Variants in SGCZ observed in about 807,000 individuals in gnomAD.
SGCZ encodes the protein zeta-sarcoglycan.
Under a neutral mutation model 41.3 loss-of-function variants are expected in SGCZ, and 40 were observed. The ratio of observed to expected loss-of-function variants is 0.97; its 90% CI spans 0.75 to 1.26. The LOEUF is 1.26. Ranked by LOEUF, SGCZ falls within the 50% of genes most tolerant of loss-of-function variation. The pLI is 0.00. For synonymous variants in SGCZ, 206 were observed against 137.5 expected (o/e 1.50, Z -3.49); for missense variants, 552 against 369.8 (o/e 1.49, Z -4.04).
At chr8:14,100,369 T>C (rs572781849) in intron 7 of SGCZ, among the ~76,000 whole-genome samples, 5 of 151,124 alleles carry the variant, frequency 3.3e-5, no homozygotes, top group Non-Finnish European at 5.9e-5. Context: ...TCAATATTTA[T>C]TATGAGCAAT....
At chr8:14,383,043 AC>A (rs1186997042) in intron 2 of SGCZ, among the ~76,000 whole-genome samples, 3 of 152,156 alleles carry the variant, frequency 2.0e-5, no homozygotes, top group African/African-American at 7.2e-5. Context: ...CAATAGAGAT[AC>A]AGCTCATGTT....
intron 2 of SGCZ, among the ~76,000 whole-genome samples, chr8:14,325,743 C>CATAT (rs1802076922): frequency 1.5e-5 from 1 of 66,882 alleles, no homozygotes; most frequent in African/African-American, 7.1e-5. Context: ...CACACACACA[C>CATAT]ACACATATAT....
At chr8:14,091,695 GT>G (rs1256778481) in intron 7 of SGCZ, among the ~76,000 whole-genome samples, 7 of 150,714 alleles carry the variant, frequency 4.6e-5, no homozygotes, top group Non-Finnish European at 8.8e-5. Flanking sequence ...CTGTAAATTT[GT>G]TTGTTTAAGT....
intron 1 of SGCZ, among the ~76,000 whole-genome samples, chr8:14,788,669 T>C (rs184072716): frequency 2.9e-4 from 44 of 152,328 alleles, no homozygotes; most frequent in African/African-American, 8.7e-4. Flanking sequence ...AATAAATACA[T>C]CCACTCTTTT....
intron 3 of SGCZ, among the ~76,000 whole-genome samples, chr8:14,266,766 G>T (rs1270429076): frequency 6.6e-6 from 1 of 152,072 alleles, no homozygotes; most frequent in Admixed American, 6.5e-5. Flanking sequence ...AATCCACAAT[G>T]CCTAAGTAGA....
intron 3 of SGCZ, among the ~76,000 whole-genome samples, chr8:14,252,793 G>A (rs760177975): frequency 6.6e-6 from 1 of 152,184 alleles, no homozygotes; most frequent in Non-Finnish European, 1.5e-5. Context: ...CTTTCAGGCA[G>A]TGCCAGTTGT....
chr8:14,658,905 A>C (rs974917891), intron 1 of SGCZ, among the ~76,000 whole-genome samples: 2 of 152,116 alleles, frequency 1.3e-5, no homozygotes, highest in East Asian at 3.9e-4. Flanking sequence ...AAAAATGAGG[A>C]AAGGAAGGAG....
At chr8:14,426,584 T>C (rs1288537805) in intron 2 of SGCZ, among the ~76,000 whole-genome samples, 1 of 152,102 alleles carries the variant, frequency 6.6e-6, no homozygotes, top group Non-Finnish European at 1.5e-5. Context: ...GGAGAAGTTT[T>C]GTTTGTTATT....
At chr8:14,912,968 T>C (rs1051368433) in intron 1 of SGCZ, among the ~76,000 whole-genome samples, 3 of 152,052 alleles carry the variant, frequency 2.0e-5, no homozygotes, top group Non-Finnish European at 4.4e-5. Context: ...ATCATTCTTG[T>C]TTGGTTTTAG....
intron 1 of SGCZ, among the ~76,000 whole-genome samples, chr8:14,795,942 T>C (rs1801113280): frequency 6.6e-6 from 1 of 152,192 alleles, no homozygotes; most frequent in Non-Finnish European, 1.5e-5. Context: ...TTTCTGTTCC[T>C]GTGTTAGTTT....
intron 2 of SGCZ, among the ~76,000 whole-genome samples, chr8:14,394,887 T>C (rs982051605): frequency 6.6e-6 from 1 of 152,160 alleles, no homozygotes; most frequent in African/African-American, 2.4e-5. Context: ...GCATGGGTGA[T>C]ATTGTGCAGA....
chr8:14,908,871 G>A (rs920487181), intron 1 of SGCZ, among the ~76,000 whole-genome samples: 1 of 151,744 alleles, frequency 6.6e-6, no homozygotes, highest in African/African-American at 2.4e-5. Context: ...ATTTATATGC[G>A]ACGAATAGTT....
At chr8:14,653,119 A>G (rs1211152764) in intron 1 of SGCZ, among the ~76,000 whole-genome samples, 1 of 152,052 alleles carries the variant, frequency 6.6e-6, no homozygotes, top group Non-Finnish European at 1.5e-5. Flanking sequence ...TACTCTCTCA[A>G]TCCATGAGGT....
At chr8:14,712,383 C>T (rs1424694910) in intron 1 of SGCZ, among the ~76,000 whole-genome samples, 1 of 152,150 alleles carries the variant, frequency 6.6e-6, no homozygotes, top group Non-Finnish European at 1.5e-5. Flanking sequence ...TCATGGAAAC[C>T]ATTTTTACAG....
chr8:14,970,093 T>C (rs1312787903), intron 1 of SGCZ, among the ~76,000 whole-genome samples: 1 of 152,134 alleles, frequency 6.6e-6, no homozygotes, highest in Non-Finnish European at 1.5e-5. Context: ...CATAAGTGTG[T>C]AGTGATATGT....
chr8:14,239,248 AACAC>A (rs36209114), intron 3 of SGCZ, among the ~76,000 whole-genome samples: 125 of 149,364 alleles, frequency 8.4e-4, no homozygotes, highest in Middle Eastern at 3.5e-3. Flanking sequence ...TTCATACATG[AACAC>A]ACACACACAC....
intron 1 of SGCZ, among the ~76,000 whole-genome samples, chr8:15,066,330 A>C (rs1805146856): frequency 6.6e-6 from 1 of 151,692 alleles, no homozygotes; most frequent in South Asian, 2.1e-4. Flanking sequence ...AAAAAAAAAA[A>C]AAAAGAAGTC....
At chr8:15,174,019 T>C (rs1235594799) in intron 1 of SGCZ, among the ~76,000 whole-genome samples, 2 of 152,162 alleles carry the variant, frequency 1.3e-5, no homozygotes, top group East Asian at 3.8e-4. Flanking sequence ...ACTGCACCCG[T>C]TATACTTTAT....
chr8:14,251,308 G>A (rs762179828), intron 3 of SGCZ, among the ~76,000 whole-genome samples: 4 of 152,102 alleles, frequency 2.6e-5, no homozygotes, highest in Non-Finnish European at 5.9e-5. Flanking sequence ...TTTTCTCTCA[G>A]GGATAATTAA....
Sources: allele counts gnomAD v4.1 joint callset (sites outside exome capture counted in the v4.1 genomes callset), GRCh38; gene constraint gnomAD v4.1.1; transcripts MANE v1.5; gene names NCBI Gene and HGNC (gene_info 2026-07-23, HGNC 2026-07-21).